MRTFA: variants seen among roughly 807,000 people sequenced by gnomAD.
The protein encoded by MRTFA is myocardin-related transcription factor A.
Under a neutral mutation model 83.5 loss-of-function variants are expected in MRTFA, and 20 were observed. That is an observed-to-expected ratio of 0.24 (90% CI 0.17 to 0.35). MRTFA has a LOEUF of 0.35. Ranked by LOEUF, MRTFA falls within the 10% of genes least tolerant of loss-of-function variation. The pLI is 1.00. For missense variants in MRTFA, 1,200 were observed against 1,224.7 expected (o/e 0.98, Z 0.30); for synonymous variants, 659 against 541.2 (o/e 1.22, Z -3.02).
chr22:40,545,592 C>T (rs2055350315), intron 3 of MRTFA, among the ~76,000 whole-genome samples: 2 of 152,138 alleles, frequency 1.3e-5, no homozygotes, highest in Non-Finnish European at 2.9e-5. Context: ...GCCACCACGC[C>T]CGGCTAATCT....
chr22:40,511,531 G>C (rs1466747205), intron 3 of MRTFA, among the ~76,000 whole-genome samples: 1 of 152,116 alleles, frequency 6.6e-6, no homozygotes, highest in Admixed American at 6.5e-5. Flanking sequence ...ATTCTAAGAC[G>C]GGGAAAGGCA....
chr22:40,617,908 G>A (rs1248851287), intron 1 of MRTFA, among the ~76,000 whole-genome samples: 1 of 152,066 alleles, frequency 6.6e-6, no homozygotes, highest in African/African-American at 2.4e-5. Context: ...TACTGTTGGT[G>A]TTGAGGATAC....
intron 3 of MRTFA, among the ~76,000 whole-genome samples, chr22:40,465,592 A>G (rs563890204): frequency 3.3e-5 from 5 of 152,152 alleles, no homozygotes; most frequent in Admixed American, 6.5e-5. Flanking sequence ...ACAAGGTCTC[A>G]CTCTGTCACC....
rs553518301 is a variant in MRTFA, at chr22:40,466,133, T to C, written c.242-2847A>G. ...GCTAAAACAGATGGTTCGACCAGAG[T>C]GAAAGGAATTCAGGTGATCAACTTC... is the stretch of plus-strand genomic sequence containing the variant. On this transcript the variant is annotated intron_variant, in intron 3 of 14. Coordinates refer to ENST00000355630, the MANE Select transcript of MRTFA (RefSeq NM_020831.6). 3.3e-5 allele frequency among the ~76,000 whole-genome samples: 5 copies of C among 152,140 alleles called. No homozygotes were observed. The East Asian group carries it at 9.6e-4, about 29-fold the overall frequency.
intron 3 of MRTFA, among the ~76,000 whole-genome samples, chr22:40,535,068 G>C (rs567710908): frequency 1.2e-4 from 18 of 152,238 alleles, no homozygotes; most frequent in African/African-American, 4.3e-4. Flanking sequence ...AGCCAGAAAA[G>C]CTCTATATAG....
intron 3 of MRTFA, among the ~76,000 whole-genome samples, chr22:40,492,160 A>G (rs1487566631): frequency 2.0e-5 from 3 of 152,222 alleles, no homozygotes; most frequent in Non-Finnish European, 4.4e-5. Context: ...ATGCTGCAAT[A>G]AACCACTCTT....
chr22:40,586,222 A>G (rs1370097774), intron 2 of MRTFA, among the ~76,000 whole-genome samples: 2 of 151,964 alleles, frequency 1.3e-5, no homozygotes, highest in Non-Finnish European at 2.9e-5. Context: ...TACATACCTA[A>G]TAAAATCTTA....
chr22:40,516,454 A>AAG (rs2054761588), intron 3 of MRTFA, among the ~76,000 whole-genome samples: 1 of 151,310 alleles, frequency 6.6e-6, no homozygotes. Context: ...GGAAAAAGAA[A>AAG]AAAAAAAAAA....
At chr22:40,587,926 A>C (rs1311985456) in intron 2 of MRTFA, 1 of 395,196 alleles carries the variant, frequency 2.5e-6, no homozygotes, top group Admixed American at 3.5e-5. Context: ...TGAATACAGG[A>C]GACAAAGTGA....
chr22:40,425,446 G>A (rs776883427), intron 7 of MRTFA, among the ~76,000 whole-genome samples: 7 of 152,230 alleles, frequency 4.6e-5, no homozygotes, highest in Non-Finnish European at 8.8e-5. Flanking sequence ...GGAACAAAGC[G>A]CAACAGCTCA....
intron 1 of MRTFA, among the ~76,000 whole-genome samples, chr22:40,624,336 G>C (rs2056556445): frequency 6.9e-6 from 1 of 145,026 alleles, no homozygotes; most frequent in Non-Finnish European, 1.5e-5. Flanking sequence ...TGAGGCAGGA[G>C]AATCACCTGA....
At chr22:40,558,979 AC>A (rs1226245146) in intron 2 of MRTFA, among the ~76,000 whole-genome samples, 1 of 151,632 alleles carries the variant, frequency 6.6e-6, no homozygotes, top group African/African-American at 2.4e-5. Flanking sequence ...ATGGGTTTTC[AC>A]CATGTTGGCC....
At chr22:40,552,015 C>A in intron 3 of MRTFA, 91 bp downstream of exon 3, 1 of 394,478 alleles carries the variant, frequency 2.5e-6, no homozygotes, top group East Asian at 3.6e-5. Flanking sequence ...GGAACTTTCA[C>A]GGAACATCAA....
intron 3 of MRTFA, among the ~76,000 whole-genome samples, chr22:40,536,121 T>C (rs1311955411): frequency 6.9e-6 from 1 of 145,020 alleles, no homozygotes; most frequent in Non-Finnish European, 1.5e-5. Flanking sequence ...CAAGACCCCA[T>C]CTCTACCAAA....
rs577069568 is a variant in MRTFA at position 40,505,585 on chromosome 22, C to T, written c.242-42299G>A. ...CCCTCCAAAATTCAGGAGTTGTCAA[C>T]GTGATAGTATTAGGAGGTGAGGCCT... On this transcript the variant is annotated intron_variant, in intron 3 of 14. Transcript: ENST00000355630. Among the ~76,000 whole-genome samples, 17 of 152,296 alleles carry T rather than the reference C, an allele frequency of 1.1e-4. No individual in the cohort carries two copies. The South Asian group carries it at 3.3e-3, about 30-fold the overall frequency.
At chr22:40,546,163 T>C (rs2055362848) in intron 3 of MRTFA, among the ~76,000 whole-genome samples, 1 of 152,268 alleles carries the variant, frequency 6.6e-6, no homozygotes, top group East Asian at 1.9e-4. Flanking sequence ...TATTCTGTTC[T>C]AGAACTCCAC....
chr22:40,570,587 A>C (rs1344573351), intron 2 of MRTFA, among the ~76,000 whole-genome samples: 1 of 149,250 alleles, frequency 6.7e-6, no homozygotes, highest in African/African-American at 2.5e-5. Context: ...CAAAAAAAAA[A>C]AAAAAAAAAA....
At chr22:40,513,920 G>T (rs2054710751) in intron 3 of MRTFA, among the ~76,000 whole-genome samples, 1 of 151,916 alleles carries the variant, frequency 6.6e-6, no homozygotes, top group African/African-American at 2.4e-5. Context: ...AACATAGTGA[G>T]AGCCTGTCTC....
At chr22:40,508,027 G>A (rs1265129623) in intron 3 of MRTFA, among the ~76,000 whole-genome samples, 6 of 130,892 alleles carry the variant, frequency 4.6e-5, no homozygotes, top group African/African-American at 1.7e-4. Context: ...AAAGTACGTA[G>A]AACAGTACCT....
Sources: gnomAD v4.1 joint callset for allele counts (sites outside exome capture counted in the v4.1 genomes callset) on GRCh38, gnomAD v4.1.1 for gene constraint, MANE v1.5 for transcripts, NCBI Gene and HGNC (gene_info 2026-07-23, HGNC 2026-07-21) for gene names.